The following MCMBP variants were observed in gnomAD, a reference collection of about 807,000 sequenced individuals.
The protein encoded by MCMBP is mini-chromosome maintenance complex-binding protein.
In MCMBP, 31 loss-of-function variants were observed where a neutral mutation model predicts 81.3. That is an observed-to-expected ratio of 0.38 (90% CI 0.29 to 0.51). The LOEUF is 0.51. Ranked by LOEUF, MCMBP falls within the 20% of genes least tolerant of loss-of-function variation. MCMBP has a pLI of 0.87. For synonymous variants in MCMBP, 267 were observed against 275.9 expected (o/e 0.97, Z 0.32); for missense variants, 645 against 772.1 (o/e 0.84, Z 1.95).
intron 14 of MCMBP, among the ~76,000 whole-genome samples, chr10:119,832,734 A>T (rs1852092123): frequency 6.6e-6 from 1 of 152,116 alleles, no homozygotes. Flanking sequence ...ATTTAACCTG[A>T]CTGGAAGCCT....
At position 119,859,052 on chromosome 10, in the gene MCMBP, T is replaced by A. The variant is rs1853150958; in HGVS notation, c.274A>T (p.Thr92Ser). 1.2e-6 allele frequency: 2 copies of A among 1,613,616 alleles called. No individual in the cohort carries two copies. Among genetic ancestry groups the A allele is most frequent in the African/African-American group, 2.7e-5 (2 of 74,912 alleles). ...MGVYETVNQN[T>S]KAHVLHFGKY... ...ACAGCAATACTTACATGTGCTTTTG[T>A]GTTTTGGTTAACCGTTTCATAAACT... Residue 92 changes from threonine to serine, a missense_variant, in exon 3 of 16, where the codon ACA becomes TCA. By Grantham distance (58) the Thr-to-Ser change is moderately conservative (BLOSUM62 1). Coordinates refer to ENST00000369077, the MANE Select transcript of MCMBP (RefSeq NM_001256378.2).
intron 8 of MCMBP, among the ~76,000 whole-genome samples, chr10:119,844,485 G>A (rs935407248): frequency 6.6e-6 from 1 of 152,186 alleles, no homozygotes; most frequent in Non-Finnish European, 1.5e-5. Flanking sequence ...TATTTACAAT[G>A]AGGAAACCAA....
chr10:119,838,459 C>T (rs1852327366), intron 12 of MCMBP, 76 bp downstream of exon 12: 1 of 1,429,350 alleles, frequency 7.0e-7, no homozygotes, highest in African/African-American at 1.4e-5. Flanking sequence ...CATAGATACT[C>T]TTCTAAAAGT....
At chr10:119,839,635 G>A (rs949762374) in intron 11 of MCMBP, among the ~76,000 whole-genome samples, 1 of 152,128 alleles carries the variant, frequency 6.6e-6, no homozygotes, top group Admixed American at 6.5e-5. Context: ...CTTTTACAGG[G>A]TCAATCAGGT....
At chr10:119,871,100 G>C (rs1853655024) in intron 1 of MCMBP, among the ~76,000 whole-genome samples, 1 of 152,106 alleles carries the variant, frequency 6.6e-6, no homozygotes, top group Non-Finnish European at 1.5e-5. Context: ...TCTAATATTA[G>C]TAACTGAAAT....
In MCMBP at chr10:119,831,598, C is replaced by CGTCT; in HGVS notation, c.1798_1799insAGAC (p.Cys600Ter). On this transcript the variant is annotated stop_gained and frameshift_variant and splice_region_variant, in exon 16 of 16. Transcript: ENST00000369077. LOFTEE classifies it high-confidence loss of function. The stretch of plus-strand genomic sequence containing the variant: ...TGTCTGACCAGCACTGAGAGACAGA[C>CGTCT]ACCTGGTTTGAAACACAGAAACAAA... The CGTCT allele has an allele frequency of 6.2e-7, 1 of 1,610,928 alleles. No individual in the cohort carries two copies. The highest frequency in any genetic ancestry group is 1.1e-5 in the South Asian group (1 of 90,156).
intron 1 of MCMBP, among the ~76,000 whole-genome samples, chr10:119,866,724 G>A (rs1344864599): frequency 6.6e-6 from 1 of 152,124 alleles, no homozygotes; most frequent in African/African-American, 2.4e-5. Context: ...GTTAAATTTT[G>A]TTATGTGAAT....
At chr10:119,856,820 C>T (rs544311874) in intron 5 of MCMBP, among the ~76,000 whole-genome samples, 1 of 152,136 alleles carries the variant, frequency 6.6e-6, no homozygotes, top group Non-Finnish European at 1.5e-5. Flanking sequence ...CATATTTTTT[C>T]AGTACCTTTA....
intron 1 of MCMBP, among the ~76,000 whole-genome samples, chr10:119,867,069 G>A (rs1019180003): frequency 2.0e-5 from 3 of 151,952 alleles, no homozygotes; most frequent in African/African-American, 7.2e-5. Flanking sequence ...GAGGGTGGTG[G>A]ATCACGAGGG....
intron 11 of MCMBP, 30 bp from the exon 12 acceptor site, chr10:119,838,730 A>G: frequency 6.4e-7 from 1 of 1,568,216 alleles, no homozygotes; most frequent in Non-Finnish European, 8.7e-7. Flanking sequence ...AGTGAACAAG[A>G]ATTTAAGTTT....
At chr10:119,858,807 T>C in intron 4 of MCMBP, 77 bp downstream of exon 4, 1 of 1,046,092 alleles carries the variant, frequency 9.6e-7, no homozygotes, top group South Asian at 1.5e-5. Context: ...TAAATAAATT[T>C]AAGATTAGCT....
intron 7 of MCMBP, 42 bp downstream of exon 7, chr10:119,849,381 GAC>G (rs749240270): frequency 1.9e-6 from 3 of 1,575,158 alleles, no homozygotes; most frequent in Non-Finnish European, 1.7e-6. Flanking sequence ...TACTTTCTGA[GAC>G]ACATAACATT....
intron 8 of MCMBP, among the ~76,000 whole-genome samples, chr10:119,844,975 C>T (rs527941592): frequency 3.3e-5 from 5 of 152,302 alleles, no homozygotes; most frequent in Admixed American, 6.5e-5. Context: ...CCTTGCTCCC[C>T]AGCCTATTGT....
At chr10:119,872,968 C>G (rs1052781212), upstream of MCMBP, 1 of 151,792 alleles carries the variant, frequency 6.6e-6, no homozygotes, top group South Asian at 2.1e-4. Context: ...GGCGGCGGCG[C>G]CGCCATCTTG....
At chr10:119,834,534 G>A (rs76430350) in intron 14 of MCMBP, among the ~76,000 whole-genome samples, 1 of 152,118 alleles carries the variant, frequency 6.6e-6, no homozygotes, top group East Asian at 1.9e-4. Context: ...ACTTAAAAGA[G>A]GGCTGGGCGA....
chr10:119,838,283 ATATAT>A lies in MCMBP; in HGVS notation c.1408+247_1408+251del, dbSNP rs569293349. ...TGAGACATTATATATTATATATGAT[ATATAT>A]TATATAAGATATATTATATAAGATA... On this transcript the variant is annotated intron_variant, in intron 12 of 15. Transcript: ENST00000369077. Among the ~76,000 whole-genome samples the A allele has an allele frequency of 3.8e-3, 561 of 145,782 alleles. 2 individuals carry two copies. Among genetic ancestry groups the A allele is most frequent in the African/African-American group, 0.013 (514 of 40,634 alleles).
intron 1 of MCMBP, among the ~76,000 whole-genome samples, chr10:119,871,161 A>C (rs1409905444): frequency 9.2e-5 from 14 of 152,166 alleles, no homozygotes; most frequent in Admixed American, 9.2e-4. Context: ...TTTTCCTAAA[A>C]AGTATCTATG....
rs188800414 is a variant in MCMBP at position 119,830,638 on chromosome 10, G to A, written c.*836C>T. On this transcript the variant is annotated 3_prime_UTR_variant, in exon 16 of 16. Transcript: ENST00000369077. ...ATGGTTCTCAAATGCACTGGGATAG[G>A]AGAAAATAAAGACAATGTAGTGTCT... 5 of 152,600 alleles carry A rather than the reference G, an allele frequency of 3.3e-5. No homozygotes were observed. The highest frequency in any genetic ancestry group is 2.1e-4 in the South Asian group (1 of 4,824). The allele number at this position is 152,600 out of a possible 1,614,324, so 9.5% of individuals were successfully genotyped here.
intron 5 of MCMBP, among the ~76,000 whole-genome samples, chr10:119,856,788 A>C (rs1347254505): frequency 6.6e-6 from 1 of 152,192 alleles, no homozygotes; most frequent in Non-Finnish European, 1.5e-5. Flanking sequence ...CCAATTTGAA[A>C]CTATTTTTTT....
Sources: allele counts gnomAD v4.1 joint callset (sites outside exome capture counted in the v4.1 genomes callset), GRCh38; gene constraint gnomAD v4.1.1; transcripts MANE v1.5; gene names NCBI Gene and HGNC (gene_info 2026-07-23, HGNC 2026-07-21).